PLD3: variants seen among roughly 807,000 people sequenced by gnomAD.
PLD3 encodes the protein phospholipase D family member 3, also known as 5'-3' exonuclease PLD3.
A neutral mutation model predicts 58.4 loss-of-function variants in PLD3; 31 were observed. That is an observed-to-expected ratio of 0.53 (90% CI 0.40 to 0.72). PLD3 has a LOEUF of 0.72. Ranked by LOEUF, PLD3 falls within the 30% of genes least tolerant of loss-of-function variation. PLD3 has a pLI of 0.00. For missense variants in PLD3, 595 were observed against 659.8 expected (o/e 0.90, Z 1.08); for synonymous variants, 264 against 273.4 (o/e 0.97, Z 0.34).
At chr19:40,373,794 C>CA (rs2079125079) in intron 9 of PLD3, among the ~76,000 whole-genome samples, 1 of 151,972 alleles carries the variant, frequency 6.6e-6, no homozygotes, top group African/African-American at 2.4e-5. Flanking sequence ...CGAGACCTGC[C>CA]TGGCCAACAT....
chr19:40,360,175 C>G (rs528170828), intron 1 of PLD3: 3 of 152,556 alleles, frequency 2.0e-5, no homozygotes, highest in African/African-American at 7.2e-5. Context: ...ATCCCTCACT[C>G]CTTTACTGCT....
At chr19:40,362,245 C>A (rs1370679590) in intron 1 of PLD3, among the ~76,000 whole-genome samples, 1 of 152,220 alleles carries the variant, frequency 6.6e-6, no homozygotes, top group African/African-American at 2.4e-5. Flanking sequence ...TAACGAACAG[C>A]AAATGCTATT....
chr19:40,366,456 T>C lies in PLD3; in HGVS notation c.-28T>C. On this transcript the variant is annotated 5_prime_UTR_variant, in exon 3 of 13. Coordinates refer to ENST00000409735, the MANE Select transcript of PLD3 (RefSeq NM_012268.4). ...GACACACCCACCTTCTCACCTGGGC[T>C]CTGCGTATCCCCCAGCCTTGAGGGA... 6.2e-7 allele frequency: 1 copy of C among 1,612,562 alleles called. No homozygotes were observed. The highest frequency in any genetic ancestry group is 1.1e-5 in the South Asian group (1 of 91,054).
intron 6 of PLD3, 32 bp from the exon 7 acceptor site, chr19:40,369,876 C>G: frequency 6.5e-7 from 1 of 1,529,736 alleles, no homozygotes. Flanking sequence ...GCTGGCTGGT[C>G]CAGCCCCTCA....
chr19:40,363,033 G>C (rs371123457), intron 1 of PLD3, among the ~76,000 whole-genome samples: 55 of 152,272 alleles, frequency 3.6e-4, no homozygotes, highest in African/African-American at 1.3e-3. Flanking sequence ...CCAAAGTGCT[G>C]AGATTACAGG....
chr19:40,369,833 ACT>A, intron 6 of PLD3, 73 bp from the exon 7 acceptor site: 1 of 1,379,586 alleles, frequency 7.2e-7, no homozygotes, highest in East Asian at 2.5e-5. Context: ...TCTCAAAATA[ACT>A]CCACCGGGCA....
chr19:40,364,226 C>A (rs904988673), intron 1 of PLD3, among the ~76,000 whole-genome samples: 1 of 151,726 alleles, frequency 6.6e-6, no homozygotes, highest in Non-Finnish European at 1.5e-5. Flanking sequence ...TGGTGGCAGG[C>A]GCCTGTAATC....
chr19:40,366,265 C>T lies in PLD3; in HGVS notation c.-65-154C>T, dbSNP rs1050519315. 2.6e-5 allele frequency: 16 copies of T among 610,310 alleles called. No individual in the cohort carries two copies. The African/African-American group carries it at 2.8e-4, about 11-fold the overall frequency. The allele number at this position is 610,310 out of a possible 1,614,324, so 37.8% of individuals were successfully genotyped here. A position where few individuals can be genotyped will look rare whatever the true frequency, so the allele number is the denominator to read the frequency against. ...GATTTTGAGGGATTTCGAAATCCTG[C>T]TGACCAGTGACCAGCTTCCTCTTTT... On this transcript the variant is annotated intron_variant, in intron 2 of 12. Coordinates refer to ENST00000409735, the MANE Select transcript of PLD3 (RefSeq NM_012268.4).
chr19:40,376,303 C>T (rs766812638), intron 10 of PLD3: 5 of 294,658 alleles, frequency 1.7e-5, no homozygotes, highest in Non-Finnish European at 3.2e-5. Flanking sequence ...TGCAGTGAGC[C>T]GAGATTGTGC....
At position 40,378,235 on chromosome 19, in the gene PLD3, C is replaced by T; in HGVS notation, c.*62C>T. On this transcript the variant is annotated 3_prime_UTR_variant, in exon 13 of 13. Coordinates refer to ENST00000409735, the MANE Select transcript of PLD3 (RefSeq NM_012268.4). ...CCCCGCGGACCCAGGTGCTCTGGGT[C>T]ACGGTCCCTGTCCCCGCGCCCCCGC... is the stretch of plus-strand genomic sequence containing the variant. 6.7e-7 allele frequency: 1 copy of T among 1,500,702 alleles called. No individual in the cohort carries two copies. Among genetic ancestry groups the T allele is most frequent in the Non-Finnish European group, 9.2e-7 (1 of 1,090,274 alleles). 93.0% of individuals were successfully genotyped at this position (1,500,702 alleles called of 1,614,324 possible).
At chr19:40,349,243 T>A (rs1394231953) in intron 1 of PLD3, among the ~76,000 whole-genome samples, 1 of 152,080 alleles carries the variant, frequency 6.6e-6, no homozygotes. Flanking sequence ...CCATCGCTCT[T>A]CTTAAATCGC....
rs772893000 is a variant in PLD3, at chr19:40,376,671, G to A, written c.1082G>A (p.Arg361His). Residue 361 changes from arginine to histidine, a missense_variant, in exon 11 of 13, where the codon CGC (arginine) becomes CAC (histidine). Coordinates refer to ENST00000409735, the MANE Select transcript of PLD3 (RefSeq NM_012268.4). ...RATYERGVKV[R>H]LLISCWGHSE... is the part of the protein sequence containing the mutation. ...ACCTACGAGCGTGGCGTCAAGGTGC[G>A]CCTGCTCATCAGCTGCTGGGGACAC... The A allele has an allele frequency of 1.8e-5, 29 of 1,606,588 alleles. No individual in the cohort carries two copies. The highest frequency in any genetic ancestry group is 2.2e-5 in the East Asian group (1 of 44,898).
At chr19:40,377,919 A>G in intron 12 of PLD3, 34 bp downstream of exon 12, 1 of 1,612,766 alleles carries the variant, frequency 6.2e-7, no homozygotes. Flanking sequence ...GCGCTGAAGA[A>G]GAGGGGGTTC....
At chr19:40,375,455 C>A (rs2079171050) in intron 10 of PLD3, among the ~76,000 whole-genome samples, 1 of 150,102 alleles carries the variant, frequency 6.7e-6, no homozygotes, top group South Asian at 2.1e-4. Flanking sequence ...TCGAGACCAT[C>A]CTGGCCAACA....
At chr19:40,349,965 A>T (rs113099973) in intron 1 of PLD3, among the ~76,000 whole-genome samples, 73,987 of 145,192 alleles carry the variant, frequency 0.51, 19,969 homozygotes, top group South Asian at 0.71. Flanking sequence ...TCTCAAAAAA[A>T]AATAATAATA....
intron 1 of PLD3, among the ~76,000 whole-genome samples, 162 bp downstream of exon 1, chr19:40,348,930 C>A (rs1247179964): frequency 6.6e-6 from 1 of 151,810 alleles, no homozygotes; most frequent in African/African-American, 2.4e-5. Context: ...ATGTCGTCCT[C>A]GGTCTCTTTA....
intron 1 of PLD3, among the ~76,000 whole-genome samples, chr19:40,364,246 C>T (rs1032594578): frequency 6.6e-6 from 1 of 151,840 alleles, no homozygotes; most frequent in South Asian, 2.1e-4. Context: ...CCCAGCTACT[C>T]GGGAGGCTGA....
At chr19:40,363,555 C>G (rs1481455203) in intron 1 of PLD3, among the ~76,000 whole-genome samples, 1 of 152,136 alleles carries the variant, frequency 6.6e-6, no homozygotes, top group African/African-American at 2.4e-5. Context: ...CTCAGTCTCC[C>G]GAGTAGCTGG....
intron 8 of PLD3, 68 bp downstream of exon 8, chr19:40,370,305 C>A: frequency 1.3e-6 from 2 of 1,515,156 alleles, no homozygotes; most frequent in Non-Finnish European, 1.8e-6. Flanking sequence ...CAGCCTCCGA[C>A]TGCATCCCTC....
Sources: gnomAD v4.1 joint callset for allele counts (sites outside exome capture counted in the v4.1 genomes callset) on GRCh38, gnomAD v4.1.1 for gene constraint, MANE v1.5 for transcripts, NCBI Gene and HGNC (gene_info 2026-07-23, HGNC 2026-07-21) for gene names.